Variants in TAP2 observed in about 807,000 individuals in gnomAD.
TAP2 encodes the protein transporter 2, ATP binding cassette subfamily B member, also known as antigen peptide transporter 2.
TAP2 carries 49 observed loss-of-function variants against 74.7 expected under a neutral mutation model. That is an observed-to-expected ratio of 0.66 (90% CI 0.52 to 0.83). TAP2 has a LOEUF of 0.83. TAP2 is among the 40% of genes least tolerant of loss of function. TAP2 has a pLI of 0.00. For missense variants in TAP2, 739 were observed against 859.0 expected (o/e 0.86, Z 1.75); for synonymous variants, 306 against 368.4 (o/e 0.83, Z 1.94).
rs1283606447 is a variant in TAP2, at chr6:32,827,237, C to T, written c.*1669G>A. ...AATAGCAACTTTCCAAGGTAAGTCCCTCCCAACAACCAGTGATGTGTACAA... is the reference window on the plus strand; with the variant it reads ...AATAGCAACTTTCCAAGGTAAGTCCTTCCCAACAACCAGTGATGTGTACAA... On this transcript the variant is annotated 3_prime_UTR_variant, in exon 12 of 12. Transcript: ENST00000374897. 5.8e-5 allele frequency: 57 copies of T among 985,308 alleles called. No homozygotes were observed. Among genetic ancestry groups the T allele is most frequent in the Non-Finnish European group, 6.6e-5 (55 of 829,934 alleles). The allele number at this position is 985,308 out of a possible 1,614,324, so 61.0% of individuals were successfully genotyped here.
At position 32,827,022 on chromosome 6, in the gene TAP2, A is replaced by C. The variant is rs17213763; in HGVS notation, c.*1884T>G. ...GAGAGATGGATGGGTGTGGAGCTGC[A>C]AGTCAGCCCCAGGATGAAAGAAAGG... On this transcript the variant is annotated 3_prime_UTR_variant, in exon 12 of 12. Transcript: ENST00000374897. The C allele has an allele frequency of 7.9e-3, 7,773 of 985,416 alleles. 259 individuals carry two copies. In the African/African-American group the frequency reaches 0.092, roughly 12 times the overall value. 61.0% of individuals were successfully genotyped at this position (985,416 alleles called of 1,614,324 possible).
chr6:32,829,683 T>C, intron 10 of TAP2, 147 bp from the exon 11 acceptor site: 2 of 1,330,574 alleles, frequency 1.5e-6, no homozygotes, highest in Non-Finnish European at 2.1e-6. Flanking sequence ...AGGAGGGCCA[T>C]GGGGTGGGGA....
chr6:32,838,297 C>G, intron 1 of TAP2, 60 bp from the exon 2 acceptor site: 2 of 1,496,098 alleles, frequency 1.3e-6, no homozygotes, highest in Middle Eastern at 2.5e-4. Flanking sequence ...TGTCCCTGCC[C>G]TCCTACCCGC....
chr6:32,823,394 C>T, downstream of TAP2, among the ~76,000 whole-genome samples: 1 of 142,596 alleles, frequency 7.0e-6, no homozygotes, highest in Non-Finnish European at 1.5e-5. Flanking sequence ...GAATTTTATA[C>T]TTTACATTAT....
Position 32,826,490 on chromosome 6 carries a change from G to A in TAP2, c.*2416C>T. 1 of 985,424 alleles carries A rather than the reference G, an allele frequency of 1.0e-6. No individual in the cohort carries two copies. Among genetic ancestry groups the A allele is most frequent in the Non-Finnish European group, 1.2e-6 (1 of 829,944 alleles). The allele number at this position is 985,424 out of a possible 1,614,324, so 61.0% of individuals were successfully genotyped here. On this transcript the variant is annotated 3_prime_UTR_variant, in exon 12 of 12. Transcript: ENST00000374897. ...CAAAAAGAACTCTGGAGCAAACCAG[G>A]ATTAGTGACATCTGTGGTTCCCAGA...
At chr6:32,830,137 C>T (rs531367582) in intron 9 of TAP2, 48 bp from the exon 10 acceptor site, 1 of 1,612,874 alleles carries the variant, frequency 6.2e-7, no homozygotes, top group Admixed American at 1.7e-5. Context: ...ACCCCCAAGG[C>T]AGGGGCCCTT....
intron 1 of TAP2, 146 bp downstream of exon 1, chr6:32,838,507 C>T (rs1005132928): frequency 5.1e-6 from 2 of 395,292 alleles, no homozygotes; most frequent in South Asian, 9.8e-5. Context: ...ACCCCCACCC[C>T]CGCCTGCCGC....
Position 32,828,686 on chromosome 6 carries a change from A to ACCACAACCCC in TAP2, c.*219_*220insGGGGTTGTGG. ...CCTGGACACAGACAGCCCCCACCCC[A>ACCACAACCCC]CCCCACCCCACCTCTCTACCCCACC... On this transcript the variant is annotated 3_prime_UTR_variant, in exon 12 of 12. Transcript: ENST00000374897. 1 of 579,338 alleles carries ACCACAACCCC rather than the reference A, an allele frequency of 1.7e-6. No homozygotes were observed. The highest frequency in any genetic ancestry group is 2.0e-6 in the Non-Finnish European group (1 of 493,734). 35.9% of individuals were successfully genotyped at this position (579,338 alleles called of 1,614,324 possible).
At position 32,832,786 on chromosome 6, in the gene TAP2, C is replaced by G; in HGVS notation, c.984G>C (p.Ala328=). Reference sequence around the variant, plus strand: ...CAACGGCTTCCCGCACCACCTGCCCCGCCCTGGCCACTGCATCCTGGATCT... The same window carrying G: ...CAACGGCTTCCCGCACCACCTGCCCGGCCCTGGCCACTGCATCCTGGATCT... ...LREIQDAVAR[A]GQVVREAVGG... Residue 328 remains alanine (A), a synonymous_variant, in exon 6 of 12, where the codon GCG becomes GCC. Transcript: ENST00000374897. This position sits in a 1 kb window ranked among gnomAD's most constrained non-coding sequence, Gnocchi z 5.9. 7 of 1,612,986 alleles carry G rather than the reference C, an allele frequency of 4.3e-6. No individual in the cohort carries two copies. Among genetic ancestry groups the G allele is most frequent in the Non-Finnish European group, 5.9e-6 (7 of 1,180,050 alleles).
chr6:32,831,777 T>C (rs6936669), intron 7 of TAP2, among the ~76,000 whole-genome samples: 2,598 of 152,268 alleles, frequency 0.017, 73 homozygotes, highest in African/African-American at 0.058. Context: ...GATAGATAGA[T>C]AGACAGACAG....
chr6:32,837,794 G>T lies in TAP2; in HGVS notation c.440C>A (p.Pro147Gln). The change falls in exon 2 of 12, where the codon CCG becomes CAG. Residue 147 changes from proline (P) to glutamine (Q), a missense_variant. Coordinates refer to ENST00000374897, the MANE Select transcript of TAP2 (RefSeq NM_001290043.2). Reference sequence around the variant, plus strand: ...GGCGGCAACGAGGAGAGGCAGGTCCGGCCTGGAGAGCTTCAGCAGCCTCCA... The same window carrying T: ...GGCGGCAACGAGGAGAGGCAGGTCCTGCCTGGAGAGCTTCAGCAGCCTCCA... ...LMWRLLKLSR[P>Q]DLPLLVAAFF... 6.2e-7 allele frequency: 1 copy of T among 1,614,080 alleles called. No individual in the cohort carries two copies. Among genetic ancestry groups the T allele is most frequent in the African/African-American group, 1.3e-5 (1 of 75,016 alleles).
rs763454543 is a variant in TAP2 at position 32,837,771 on chromosome 6, C to A, written c.463G>T (p.Ala155Ser). 6.2e-7 allele frequency: 1 copy of A among 1,614,178 alleles called. No homozygotes were observed. The highest frequency in any genetic ancestry group is 2.2e-5 in the East Asian group (1 of 44,888). The change falls in exon 2 of 12, where the codon GCC (alanine) becomes TCC (serine). Residue 155 changes from alanine to serine, a missense_variant. Transcript: ENST00000374897. The stretch of plus-strand genomic sequence containing the variant: ...ACAGCAAGGACAAGGAAGAAGAAGG[C>A]GGCAACGAGGAGAGGCAGGTCCGGC... ...SRPDLPLLVA[A>S]FFFLVLAVLG...
intron 7 of TAP2, among the ~76,000 whole-genome samples, chr6:32,831,795 A>G (rs1046057008): frequency 6.6e-6 from 1 of 152,246 alleles, no homozygotes; most frequent in Non-Finnish European, 1.5e-5. Flanking sequence ...CAGACTTAAA[A>G]GATGTATCAA....
downstream of TAP2, among the ~76,000 whole-genome samples, chr6:32,823,167 G>A (rs1397995719): frequency 2.6e-5 from 4 of 152,152 alleles, no homozygotes; most frequent in East Asian, 3.9e-4. Context: ...TGATCCGCCC[G>A]CCTTGGCCTA....
rs952281602 is a variant in TAP2 at position 32,828,024 on chromosome 6, A to C, written c.*882T>G. 6.1e-6 allele frequency: 6 copies of C among 984,206 alleles called. No individual in the cohort carries two copies. The African/African-American group carries it at 1.0e-4, about 17-fold the overall frequency. The allele number at this position is 984,206 out of a possible 1,614,324, so 61.0% of individuals were successfully genotyped here. On this transcript the variant is annotated 3_prime_UTR_variant, in exon 12 of 12. Transcript: ENST00000374897. ...TTATGGATTAGGGTTTATGGACCCAAGATGCAATATAATTGATTGGGTCAG... is the reference window on the plus strand; with the variant it reads ...TTATGGATTAGGGTTTATGGACCCACGATGCAATATAATTGATTGGGTCAG...
chr6:32,835,451 C>A lies in TAP2; in HGVS notation c.740-92G>T. 6.8e-7 allele frequency: 1 copy of A among 1,474,750 alleles called. No homozygotes were observed. Among genetic ancestry groups the A allele is most frequent in the Non-Finnish European group, 9.4e-7 (1 of 1,065,120 alleles). The allele number at this position is 1,474,750 out of a possible 1,614,324, so 91.4% of individuals were successfully genotyped here. On this transcript the variant is annotated intron_variant, in intron 4 of 11. Transcript: ENST00000374897. The surrounding 1 kb of genome is among the most constrained non-coding windows in gnomAD (Gnocchi z 4.0). ...TCCTGACCGTTCCCTCTGACACAGC[C>A]CCCTCCTCTGAACATCCTCCTTCAC...
In TAP2 at chr6:32,826,630, C is replaced by T. The variant is rs1457948742; in HGVS notation, c.*2276G>A. On this transcript the variant is annotated 3_prime_UTR_variant, in exon 12 of 12. Coordinates refer to ENST00000374897, the MANE Select transcript of TAP2 (RefSeq NM_001290043.2). ...TGGGAGTTTCCCCTGAGATAAGAAA[C>T]TTTCAGGACATCTTAAGGTCTACTG... 9 of 985,298 alleles carry T rather than the reference C, an allele frequency of 9.1e-6. No individual in the cohort carries two copies. In the Admixed American group the frequency reaches 5.5e-4, roughly 61 times the overall value. The allele number at this position is 985,298 out of a possible 1,614,324, so 61.0% of individuals were successfully genotyped here.
At chr6:32,829,856 AC>A in intron 10 of TAP2, 73 bp downstream of exon 10, 1 of 1,590,790 alleles carries the variant, frequency 6.3e-7, no homozygotes, top group Non-Finnish European at 8.6e-7. Flanking sequence ...CAGGGACACG[AC>A]CTTCACCACT....
chr6:32,832,765 G>A lies in TAP2; in HGVS notation c.1005C>T (p.Ala335=), dbSNP rs779246483. The A allele has an allele frequency of 1.3e-5, 21 of 1,612,902 alleles. No individual in the cohort carries two copies. Among genetic ancestry groups the A allele is most frequent in the Middle Eastern group, 1.6e-4 (1 of 6,082 alleles). ...TGCGAACGGTCTGCAGCCCTCCAAC[G>A]GCTTCCCGCACCACCTGCCCCGCCC... is the stretch of plus-strand genomic sequence containing the variant. ...VARAGQVVRE[A]VGGLQTVRSF... Residue 335 remains alanine, a synonymous_variant, in exon 6 of 12, where the codon GCC becomes GCT. Transcript: ENST00000374897. This position sits in a 1 kb window ranked among gnomAD's most constrained non-coding sequence, Gnocchi z 5.9.
Sources: allele counts gnomAD v4.1 joint callset (sites outside exome capture counted in the v4.1 genomes callset), GRCh38; gene constraint gnomAD v4.1.1; non-coding constraint Gnocchi (gnomAD v3.1); transcripts MANE v1.5; gene names NCBI Gene and HGNC (gene_info 2026-07-23, HGNC 2026-07-21).